Variants in CACNA2D4 observed in about 807,000 individuals in gnomAD.
CACNA2D4 encodes the protein voltage-dependent calcium channel subunit alpha-2/delta-4.
Under a neutral mutation model 163.8 loss-of-function variants are expected in CACNA2D4, and 157 were observed. That is an observed-to-expected ratio of 0.96 (90% confidence interval 0.84 to 1.09). The LOEUF is 1.09. Ranked by LOEUF, CACNA2D4 falls within the 50% of genes least tolerant of loss-of-function variation. The pLI, the probability that CACNA2D4 is intolerant of heterozygous loss-of-function variation, is 0.00. For missense variants in CACNA2D4, 1,410 were observed against 1,479.9 expected (o/e 0.95, Z 0.78); for synonymous variants, 598 against 586.9 (o/e 1.02, Z -0.27).
At chr12:1,888,943 C>T (rs1300814588) in intron 6 of CACNA2D4, among the ~76,000 whole-genome samples, 1 of 152,146 alleles carries the variant, frequency 6.6e-6, no homozygotes, top group Non-Finnish European at 1.5e-5. Context: ...AACTGCAGAA[C>T]TTCGAAGGCA....
chr12:1,808,297 G>T (rs1305553725), intron 29 of CACNA2D4, among the ~76,000 whole-genome samples: 2 of 152,208 alleles, frequency 1.3e-5, no homozygotes, highest in Non-Finnish European at 2.9e-5. Context: ...GCCAAGCCTG[G>T]CTCACTGTTG....
chr12:1,831,286 C>G lies in CACNA2D4; in HGVS notation c.2551+9453G>C, dbSNP rs748621254. 3.7e-6 allele frequency: 6 copies of G among 1,613,716 alleles called. No homozygotes were observed. Among genetic ancestry groups the G allele is most frequent in the Non-Finnish European group, 4.2e-6 (5 of 1,180,028 alleles). ...GACAGGGACCTGCTGCGGCACTCGC[C>G]GCTGCTCCGCCACCTGGACCTGTCC... is the stretch of plus-strand genomic sequence containing the variant. On this transcript the variant is annotated intron_variant, in intron 26 of 37. Coordinates refer to ENST00000382722, the MANE Select transcript of CACNA2D4 (RefSeq NM_172364.5).
chr12:1,814,509 G>A (rs187204088), intron 26 of CACNA2D4, among the ~76,000 whole-genome samples: 2 of 152,240 alleles, frequency 1.3e-5, no homozygotes, highest in South Asian at 2.1e-4. Flanking sequence ...GTCCCCACTC[G>A]ACCCAAGAAG....
In CACNA2D4 at chr12:1,875,210, G is replaced by GC. The variant is rs1271170894; in HGVS notation, c.1806+40_1806+41insG. The GC allele has an allele frequency of 2.1e-6, 3 of 1,413,608 alleles. No individual in the cohort carries two copies. The Admixed American group carries it at 5.0e-5, about 24-fold the overall frequency. 87.6% of individuals were successfully genotyped at this position (1,413,608 alleles called of 1,614,324 possible). Reference sequence around the variant, plus strand: ...CAGCTGACCCATTTAGTTGGATGTAGAGCCTAACTAGCTTCCCTTCCCCCT... The same window carrying GC: ...CAGCTGACCCATTTAGTTGGATGTAGCAGCCTAACTAGCTTCCCTTCCCCCT... On this transcript the variant is annotated intron_variant, in intron 17 of 37. Transcript: ENST00000382722. The surrounding 1 kb of genome is among the most constrained non-coding windows in gnomAD (Gnocchi z 4.0).
intron 26 of CACNA2D4, among the ~76,000 whole-genome samples, chr12:1,823,830 C>T (rs964733128): frequency 9.2e-5 from 14 of 152,178 alleles, no homozygotes; most frequent in African/African-American, 3.4e-4. Context: ...CAGGCAATGC[C>T]GTGGACACTG....
chr12:1,841,931 C>T (rs995269959), intron 25 of CACNA2D4, among the ~76,000 whole-genome samples: 1 of 152,174 alleles, frequency 6.6e-6, no homozygotes, highest in African/African-American at 2.4e-5. Flanking sequence ...GAAATTTGCC[C>T]CATGATGACG....
chr12:1,879,157 C>G, intron 14 of CACNA2D4, 121 bp from the exon 15 acceptor site: 1 of 682,490 alleles, frequency 1.5e-6, no homozygotes, highest in Non-Finnish European at 2.6e-6. Flanking sequence ...GTGGTTCTTC[C>G]TCTGCAATTA....
chr12:1,858,687 T>G, intron 19 of CACNA2D4, 43 bp from the exon 20 acceptor site: 1 of 1,510,670 alleles, frequency 6.6e-7, no homozygotes, highest in African/African-American at 1.4e-5. Context: ...CAGCAGCAGA[T>G]GCCGGCCTGT....
intron 26 of CACNA2D4, among the ~76,000 whole-genome samples, chr12:1,838,736 GA>G (rs1864946225): frequency 6.6e-6 from 1 of 152,192 alleles, no homozygotes; most frequent in Admixed American, 6.5e-5. Context: ...CCAGCAGCCT[GA>G]CCCCCTGTCC....
Position 1,834,247 on chromosome 12 carries a change from T to C in CACNA2D4, c.2551+6492A>G. The C allele has an allele frequency of 6.5e-7, 1 of 1,531,582 alleles. No homozygotes were observed. Among genetic ancestry groups the C allele is most frequent in the Non-Finnish European group, 8.8e-7 (1 of 1,137,872 alleles). 94.9% of individuals were successfully genotyped at this position (1,531,582 alleles called of 1,614,324 possible). ...GTTCTAGATGCCTGGTCAGCCCCTC[T>C]TTTTCTCTTCTGCATGTAGGGGGAC... On this transcript the variant is annotated intron_variant, in intron 26 of 37. Coordinates refer to ENST00000382722, the MANE Select transcript of CACNA2D4 (RefSeq NM_172364.5). This position sits in a 1 kb window ranked among gnomAD's most constrained non-coding sequence, Gnocchi z 7.6.
rs774835868 is a variant in CACNA2D4 at position 1,799,661 on chromosome 12, G to A, written c.2995+14C>T. 3.2e-6 allele frequency: 5 copies of A among 1,566,044 alleles called. No homozygotes were observed. Among genetic ancestry groups the A allele is most frequent in the South Asian group, 1.2e-5 (1 of 84,752 alleles). On this transcript the variant is annotated intron_variant, in intron 34 of 37. Transcript: ENST00000382722. This position sits in a 1 kb window ranked among gnomAD's most constrained non-coding sequence, Gnocchi z 4.7. ...CCCACCGCCAGCAGGGATGGCCTCA[G>A]CTGGGCTACTTACAGTGATGGAAGA...
Position 1,802,406 on chromosome 12 carries a change from G to A in CACNA2D4, c.2722-762C>T, listed in dbSNP as rs1239328974. 6.6e-6 allele frequency among the ~76,000 whole-genome samples: 1 copy of A among 152,014 alleles called. No individual in the cohort carries two copies. Among genetic ancestry groups the A allele is most frequent in the African/African-American group, 2.4e-5 (1 of 41,372 alleles). ...AAACAGGACCCTCCCTCCTGCCCCC[G>A]GCTCCCCTTTTGTTGTCCATCAGCC... On this transcript the variant is annotated intron_variant, in intron 29 of 37. Coordinates refer to ENST00000382722, the MANE Select transcript of CACNA2D4 (RefSeq NM_172364.5). The surrounding 1 kb of genome is among the most constrained non-coding windows in gnomAD (Gnocchi z 4.7).
Position 1,883,117 on chromosome 12 carries a change from G to A in CACNA2D4, c.1352-117C>T. 8.4e-7 allele frequency: 1 copy of A among 1,189,960 alleles called. No individual in the cohort carries two copies. Among genetic ancestry groups the A allele is most frequent in the Non-Finnish European group, 1.2e-6 (1 of 856,054 alleles). 73.7% of individuals were successfully genotyped at this position (1,189,960 alleles called of 1,614,324 possible). A position where few individuals can be genotyped will look rare whatever the true frequency, so the allele number is the denominator to read the frequency against. On this transcript the variant is annotated intron_variant, in intron 12 of 37. Coordinates refer to ENST00000382722, the MANE Select transcript of CACNA2D4 (RefSeq NM_172364.5). This position sits in a 1 kb window ranked among gnomAD's most constrained non-coding sequence, Gnocchi z 4.5. ...CATAGCCGAATACTCTCTGGAAACT[G>A]GACCGGGGCACAGGGAGCTGCTTCC...
At position 1,878,907 on chromosome 12, in the gene CACNA2D4, T is replaced by G. The variant is rs1467269061; in HGVS notation, c.1644+49A>C. On this transcript the variant is annotated intron_variant, in intron 15 of 37. Transcript: ENST00000382722. This position sits in a 1 kb window ranked among gnomAD's most constrained non-coding sequence, Gnocchi z 4.6. ...AGGCTCCCATCACGGGGGAGGGAGT[T>G]TGCTCCTGGGGAACCTGTGATCCCC... The G allele has an allele frequency of 1.3e-6, 2 of 1,549,590 alleles. No homozygotes were observed. Among genetic ancestry groups the G allele is most frequent in the South Asian group, 2.3e-5 (2 of 88,018 alleles).
chr12:1,846,599 G>T lies in CACNA2D4; in HGVS notation c.2337C>A (p.Ser779=). The change falls in exon 24 of 38, where the codon TCC becomes TCA. Residue 779 remains serine, a synonymous_variant. Coordinates refer to ENST00000382722, the MANE Select transcript of CACNA2D4 (RefSeq NM_172364.5). ...SSLFVGSEKV[S]DRKFLTPEDE... The stretch of plus-strand genomic sequence containing the variant: ...AGGTGGCCGGCCCAACCCACCTGTC[G>T]GAGACCTTCTCGGAGCCCACGAACA... 1 of 1,594,810 alleles carries T rather than the reference G, an allele frequency of 6.3e-7. No homozygotes were observed.
intron 27 of CACNA2D4, among the ~76,000 whole-genome samples, chr12:1,811,416 G>A (rs1863704665): frequency 6.6e-6 from 1 of 152,240 alleles, no homozygotes; most frequent in Admixed American, 6.5e-5. Context: ...GCATGCCAGT[G>A]GCTTTGGAGT....
At chr12:1,800,913 AGATGGTCAAGGTAGG>A (rs1863297512) in intron 31 of CACNA2D4, 115 bp downstream of exon 31, 2 of 771,312 alleles carry the variant, frequency 2.6e-6, no homozygotes, top group African/African-American at 3.4e-5. Context: ...CAGAAGATGG[AGATGGTCAAGGTAGG>A]GCCCTGGGGC....
intron 20 of CACNA2D4, among the ~76,000 whole-genome samples, chr12:1,856,719 T>C (rs1865407134): frequency 6.6e-6 from 1 of 152,170 alleles, no homozygotes; most frequent in Non-Finnish European, 1.5e-5. Context: ...CCCTGTGTGT[T>C]TTGCGGCCTC....
At position 1,913,134 on chromosome 12, in the gene CACNA2D4, G is replaced by A. The variant is rs1024644546; in HGVS notation, c.315C>T (p.Tyr105=). The A allele has an allele frequency of 1.9e-6, 3 of 1,610,574 alleles. No individual in the cohort carries two copies. Among genetic ancestry groups the A allele is most frequent in the African/African-American group, 2.7e-5 (2 of 74,830 alleles). Residue 105 remains tyrosine, a synonymous_variant, in exon 3 of 38, where the codon TAC becomes TAT. Transcript: ENST00000382722. ...TCTTCAGACTGGACTCCACATCCTT[G>A]TACTTCTGTTTGGGGAAAGTGGGAG... ...YSGSLLLQKK[Y]KDVESSLKIE...
Sources: gnomAD v4.1 joint callset for allele counts (sites outside exome capture counted in the v4.1 genomes callset) on GRCh38, gnomAD v4.1.1 for gene constraint, Gnocchi (gnomAD v3.1) non-coding constraint, MANE v1.5 for transcripts, NCBI Gene and HGNC (gene_info 2026-07-23, HGNC 2026-07-21) for gene names.